The following EVL variants were observed in gnomAD, a reference collection of about 807,000 sequenced individuals.
EVL encodes ena/VASP-like protein.
A neutral mutation model predicts 59.6 loss-of-function variants in EVL; 21 were observed. The ratio of observed to expected loss-of-function variants is 0.35; its 90% CI spans 0.25 to 0.51. The LOEUF is 0.51. Among genes scored for constraint, EVL ranks in the 20% least tolerant of loss-of-function variants. The pLI, the probability that EVL is intolerant of heterozygous loss-of-function variation, is 0.97. For synonymous variants in EVL, 198 were observed against 203.5 expected (o/e 0.97, Z 0.23); for missense variants, 462 against 546.6 (o/e 0.85, Z 1.54).
chr14:100,002,740 C>T (rs1014965549), intron 1 of EVL, among the ~76,000 whole-genome samples: 6 of 152,184 alleles, frequency 3.9e-5, no homozygotes, highest in South Asian at 2.1e-4. Flanking sequence ...CATGATATCA[C>T]AAAATAGGAT....
intron 1 of EVL, chr14:100,019,280 C>G (rs1435918241): frequency 5.1e-6 from 1 of 197,650 alleles, no homozygotes; most frequent in Non-Finnish European, 1.0e-5. Flanking sequence ...TCTCTCCTCT[C>G]TCCCCAACCT....
At chr14:100,116,393 CT>C (rs1336598617) in intron 3 of EVL, among the ~76,000 whole-genome samples, 2 of 152,208 alleles carry the variant, frequency 1.3e-5, no homozygotes, top group African/African-American at 4.8e-5. Flanking sequence ...TCTGGCACCC[CT>C]GACATCTCCG....
intron 1 of EVL, among the ~76,000 whole-genome samples, chr14:100,028,353 A>G (rs572353413): frequency 1.1e-4 from 16 of 151,990 alleles, no homozygotes; most frequent in South Asian, 4.2e-4. Flanking sequence ...ATTTTTTCAC[A>G]TACCTCTTGG....
Position 100,137,575 on chromosome 14 carries a change from C to CA in EVL, c.965-2dup, listed in dbSNP as rs1448647162. 1 of 1,613,760 alleles carries CA rather than the reference C, an allele frequency of 6.2e-7. No homozygotes were observed. Among genetic ancestry groups the CA allele is most frequent in the Non-Finnish European group, 8.5e-7 (1 of 1,180,014 alleles). On this transcript the variant is annotated splice_region_variant and splice_polypyrimidine_tract_variant and intron_variant, in intron 9 of 13. Coordinates refer to ENST00000392920, the MANE Select transcript of EVL (RefSeq NM_016337.3). ...GTTCTTCATCCATGAAATGAACTGA[C>CA]AGAGGCTGGCCGGAAGCCCTGGGAG...
chr14:100,036,477 A>G (rs555483170), intron 1 of EVL, among the ~76,000 whole-genome samples: 1 of 152,332 alleles, frequency 6.6e-6, no homozygotes, highest in East Asian at 1.9e-4. Context: ...CAGTAATGAC[A>G]AGAGAGCAAG....
intron 1 of EVL, among the ~76,000 whole-genome samples, chr14:100,031,142 A>G (rs1382045120): frequency 6.6e-6 from 1 of 152,218 alleles, no homozygotes; most frequent in Non-Finnish European, 1.5e-5. Flanking sequence ...AACTTGGGAA[A>G]TCTATGTAAT....
At chr14:100,055,591 A>G (rs2061716085) in intron 1 of EVL, among the ~76,000 whole-genome samples, 1 of 152,200 alleles carries the variant, frequency 6.6e-6, no homozygotes, top group Admixed American at 6.5e-5. Context: ...AGGTTCAAAA[A>G]TTTGTTTTCT....
At chr14:100,076,328 A>G (rs72711926) in intron 1 of EVL, among the ~76,000 whole-genome samples, 2,718 of 151,862 alleles carry the variant, frequency 0.018, 35 homozygotes, top group Non-Finnish European at 0.027. Flanking sequence ...GTTCCCTGGG[A>G]CCAGCAGAGT....
chr14:99,973,428 G>A (rs766585947), intron 1 of EVL, among the ~76,000 whole-genome samples: 14 of 152,174 alleles, frequency 9.2e-5, no homozygotes, highest in Non-Finnish European at 1.0e-4. Flanking sequence ...TTTCTGGAGT[G>A]CCTGTTCAGA....
At chr14:100,131,202 A>G (rs963320392) in intron 7 of EVL, among the ~76,000 whole-genome samples, 2 of 152,190 alleles carry the variant, frequency 1.3e-5, no homozygotes, top group Non-Finnish European at 2.9e-5. Flanking sequence ...TAGTTTTGGA[A>G]AAGAAAATAT....
chr14:100,032,775 C>T (rs1379842081), intron 1 of EVL, among the ~76,000 whole-genome samples: 2 of 152,130 alleles, frequency 1.3e-5, no homozygotes, highest in Non-Finnish European at 2.9e-5. Context: ...TCTGAACTCT[C>T]CTATAACACT....
At chr14:100,047,620 G>T (rs11620716) in intron 1 of EVL, among the ~76,000 whole-genome samples, 256 of 151,582 alleles carry the variant, frequency 1.7e-3, no homozygotes, top group African/African-American at 5.9e-3. Context: ...GCAGTGCCTT[G>T]CTTATATTGT....
At chr14:99,974,127 A>C (rs186050173) in intron 1 of EVL, among the ~76,000 whole-genome samples, 2 of 152,286 alleles carry the variant, frequency 1.3e-5, no homozygotes, top group Admixed American at 1.3e-4. Context: ...CACACAGTAA[A>C]ATGTACCCAT....
In EVL at chr14:100,130,866, C is replaced by G. The variant is rs1334135648; in HGVS notation, c.839+1182C>G. ...ACTGGGCCTGGGCGTTTGTACATCG[C>G]CAAGACAGGAGGCAGGCTTCTGAGC... On this transcript the variant is annotated intron_variant, in intron 7 of 13. Transcript: ENST00000392920. This position sits in a 1 kb window ranked among gnomAD's most constrained non-coding sequence, Gnocchi z 4.8. 6.6e-6 allele frequency among the ~76,000 whole-genome samples: 1 copy of G among 152,206 alleles called. No homozygotes were observed. Among genetic ancestry groups the G allele is most frequent in the Non-Finnish European group, 1.5e-5 (1 of 68,042 alleles).
rs377271708 is a variant in EVL at position 100,012,329 on chromosome 14, C to T, written c.5+40272C>T. Among the ~76,000 whole-genome samples, 9 of 152,270 alleles carry T rather than the reference C, an allele frequency of 5.9e-5. No individual in the cohort carries two copies. In the East Asian group the frequency reaches 1.4e-3, roughly 23 times the overall value. On this transcript the variant is annotated intron_variant, in intron 1 of 13. Transcript: ENST00000402714. ...CTGAATCTTCTTTGACCTCTTCTCC[C>T]GCCTCGGGTGTAACAGTGCTGGTCA... is the stretch of plus-strand genomic sequence containing the variant.
chr14:99,985,330 G>T (rs749123791), intron 1 of EVL, among the ~76,000 whole-genome samples: 2 of 151,886 alleles, frequency 1.3e-5, no homozygotes, highest in African/African-American at 2.4e-5. Context: ...TGGGCCTAGG[G>T]GAACTGGCAG....
At chr14:100,141,376 A>G (rs1050730953) in intron 12 of EVL, 130 bp downstream of exon 12, 1 of 931,096 alleles carries the variant, frequency 1.1e-6, no homozygotes. Flanking sequence ...GTCAGGGAGC[A>G]GCCACGGCAG....
intron 4 of EVL, among the ~76,000 whole-genome samples, chr14:100,126,416 G>A (rs768128312): frequency 5.9e-5 from 9 of 152,202 alleles, no homozygotes; most frequent in Non-Finnish European, 1.2e-4. Flanking sequence ...ATCTAGCCCA[G>A]GGAAGAGCTT....
intron 1 of EVL, among the ~76,000 whole-genome samples, chr14:100,050,566 T>C (rs1227714667): frequency 1.3e-5 from 2 of 151,894 alleles, no homozygotes; most frequent in Admixed American, 1.3e-4. Flanking sequence ...CTCGATCTCC[T>C]GACCTCGTGA....
Sources: allele counts gnomAD v4.1 joint callset (sites outside exome capture counted in the v4.1 genomes callset), GRCh38; gene constraint gnomAD v4.1.1; non-coding constraint Gnocchi (gnomAD v3.1); transcripts MANE v1.5; gene names NCBI Gene and HGNC (gene_info 2026-07-23, HGNC 2026-07-21).